EVL: variants seen among roughly 807,000 people sequenced by gnomAD.
The protein encoded by EVL is Enah/Vasp-like.
A neutral mutation model predicts 59.6 loss-of-function variants in EVL; 21 were observed. The observed-to-expected ratio is 0.35, with a 90% CI of 0.25 to 0.51. The LOEUF is 0.51. EVL is among the 20% of genes least tolerant of loss of function. EVL has a pLI of 0.97. For missense variants in EVL, 462 were observed against 546.6 expected (o/e 0.85, Z 1.54); for synonymous variants, 198 against 203.5 (o/e 0.97, Z 0.23).
intron 2 of EVL, among the ~76,000 whole-genome samples, chr14:100,089,835 A>G (rs2062525969): frequency 6.6e-6 from 1 of 152,212 alleles, no homozygotes; most frequent in African/African-American, 2.4e-5. Context: ...CAGGAGGCTG[A>G]AGCTGGAGGA....
intron 1 of EVL, among the ~76,000 whole-genome samples, chr14:100,043,277 G>A (rs1267061336): frequency 1.3e-5 from 2 of 149,654 alleles, no homozygotes; most frequent in African/African-American, 5.1e-5. Context: ...ATATATATAT[G>A]TGTGTGTGTA....
upstream of EVL, among the ~76,000 whole-genome samples, chr14:100,062,626 AC>A (rs2061857753): frequency 6.6e-6 from 1 of 152,188 alleles, no homozygotes; most frequent in Non-Finnish European, 1.5e-5. Flanking sequence ...TAGACTAAAT[AC>A]CCCAATTAAA....
intron 2 of EVL, among the ~76,000 whole-genome samples, chr14:100,088,642 TA>T (rs1238186737): frequency 6.6e-6 from 1 of 152,204 alleles, no homozygotes; most frequent in Non-Finnish European, 1.5e-5. Context: ...ACTATAGTCT[TA>T]TGGGACCACC....
chr14:100,042,302 T>C (rs1595607680), intron 1 of EVL, among the ~76,000 whole-genome samples: 1 of 152,308 alleles, frequency 6.6e-6, no homozygotes, highest in Non-Finnish European at 1.5e-5. Flanking sequence ...AGAGCCCTGA[T>C]GAACTGAGAC....
At chr14:100,135,864 A>AG in intron 8 of EVL, 41 bp from the exon 9 acceptor site, 1 of 1,597,348 alleles carries the variant, frequency 6.3e-7, no homozygotes. Flanking sequence ...CCCTGGCCCC[A>AG]GGTGGCCTTC....
upstream of EVL, among the ~76,000 whole-genome samples, chr14:100,062,387 T>C (rs1354357934): frequency 6.6e-6 from 1 of 151,812 alleles, no homozygotes; most frequent in Admixed American, 6.6e-5. Flanking sequence ...AAGTGTACCC[T>C]ACAAAGTTAA....
rs377342836 is a variant in EVL at position 100,059,331 on chromosome 14, G to A, written c.6-25356G>A. 4.0e-3 allele frequency among the ~76,000 whole-genome samples: 603 copies of A among 152,328 alleles called. 5 individuals are homozygous for A. The highest frequency in any genetic ancestry group is 0.01 in the Middle Eastern group (3 of 294). On this transcript the variant is annotated intron_variant, in intron 1 of 13. Transcript: ENST00000402714. ...CTATCTAGTCTTGGCATGGAGTGGT[G>A]GAGCCCAAATGGAAAGGTGATTTTA... is the stretch of plus-strand genomic sequence containing the variant.
chr14:100,044,383 T>C (rs186516776), intron 1 of EVL, among the ~76,000 whole-genome samples: 310 of 152,270 alleles, frequency 2.0e-3, no homozygotes, highest in Non-Finnish European at 3.5e-3. Flanking sequence ...ATACAGAGAT[T>C]TTGGCTTACA....
chr14:100,052,775 A>T (rs2061667383), intron 1 of EVL: 2 of 152,112 alleles, frequency 1.3e-5, no homozygotes, highest in Non-Finnish European at 2.9e-5. Flanking sequence ...AATGCAAGAT[A>T]CATAGGTTTT....
At chr14:100,100,565 A>T (rs1212107260) in intron 3 of EVL, among the ~76,000 whole-genome samples, 1 of 152,130 alleles carries the variant, frequency 6.6e-6, no homozygotes, top group Non-Finnish European at 1.5e-5. Flanking sequence ...TTAAGAATAG[A>T]TACGAAGTCC....
rs1030182439 is a variant in EVL, at chr14:100,027,957, G to A, written c.5+55900G>A. ...CCCAAAGTACTGGGATTACAGGCAT[G>A]AGCCACCGCACCCAGACTCAATTCC... On this transcript the variant is annotated intron_variant, in intron 1 of 13. Coordinates refer to the EVL transcript ENST00000402714. Among the ~76,000 whole-genome samples, 5 of 152,200 alleles carry A rather than the reference G, an allele frequency of 3.3e-5. 1 individual carries two copies. The highest frequency in any genetic ancestry group is 6.5e-5 in the Admixed American group (1 of 15,284).
chr14:100,071,673 A>T (rs2140279829), intron 1 of EVL, among the ~76,000 whole-genome samples: 1 of 152,342 alleles, frequency 6.6e-6, no homozygotes, highest in African/African-American at 2.4e-5. Flanking sequence ...TGTGTAAAAT[A>T]GTCAGTTGTA....
intron 1 of EVL, among the ~76,000 whole-genome samples, chr14:100,012,488 T>C (rs1387995269): frequency 6.6e-6 from 1 of 152,248 alleles, no homozygotes; most frequent in Non-Finnish European, 1.5e-5. Context: ...AGGGTGACAC[T>C]GGAGCAGCTG....
intron 1 of EVL, among the ~76,000 whole-genome samples, chr14:100,054,049 C>CTTTTTT (rs11302582): frequency 9.8e-5 from 6 of 61,240 alleles, no homozygotes; most frequent in Non-Finnish European, 1.2e-4. Flanking sequence ...TATTTTTGGA[C>CTTTTTT]TTTTTTTTTT....
intron 11 of EVL, chr14:100,140,263 G>A (rs528965663): frequency 3.3e-5 from 5 of 152,122 alleles, no homozygotes; most frequent in African/African-American, 9.6e-5. Flanking sequence ...AATTCAAATC[G>A]GTTACCTTAG....
intron 1 of EVL, among the ~76,000 whole-genome samples, chr14:99,979,772 G>A (rs990641257): frequency 2.0e-5 from 3 of 152,212 alleles, no homozygotes; most frequent in African/African-American, 7.2e-5. Flanking sequence ...GGGAGGCTGA[G>A]GCAGGAGAAT....
intron 1 of EVL, among the ~76,000 whole-genome samples, chr14:100,047,836 T>TACC (rs2061578986): frequency 6.6e-6 from 1 of 152,166 alleles, no homozygotes; most frequent in African/African-American, 2.4e-5. Flanking sequence ...TGCCAAGTGA[T>TACC]GTTTGACAAA....
At chr14:100,059,272 C>T (rs1473005932) in intron 1 of EVL, among the ~76,000 whole-genome samples, 3 of 152,188 alleles carry the variant, frequency 2.0e-5, no homozygotes, top group Non-Finnish European at 4.4e-5. Flanking sequence ...AGAAGAAACA[C>T]CATGAGAAGC....
intron 3 of EVL, among the ~76,000 whole-genome samples, chr14:100,117,841 T>C (rs1228394662): frequency 6.6e-6 from 1 of 152,208 alleles, no homozygotes; most frequent in Non-Finnish European, 1.5e-5. Flanking sequence ...TGTTTCCTGC[T>C]CTGGGAGCTT....
Sources: allele counts gnomAD v4.1 joint callset (sites outside exome capture counted in the v4.1 genomes callset), GRCh38; gene constraint gnomAD v4.1.1; transcripts MANE v1.5; gene names NCBI Gene and HGNC (gene_info 2026-07-23, HGNC 2026-07-21).